Variants in PPARGC1B observed in about 807,000 individuals in gnomAD.
PPARGC1B encodes peroxisome proliferator-activated receptor gamma coactivator 1-beta.
A neutral mutation model predicts 101.6 loss-of-function variants in PPARGC1B; 34 were observed. The observed-to-expected ratio is 0.33, with a 90% CI of 0.25 to 0.45. The LOEUF (loss-of-function observed/expected upper bound fraction) is 0.45. Among genes scored for constraint, PPARGC1B ranks in the 20% least tolerant of loss-of-function variants. The pLI is 1.00. For missense variants in PPARGC1B, 1,234 were observed against 1,317.6 expected, an observed-to-expected ratio of 0.94 and a Z score of 0.98; for synonymous variants, 548 against 539.3, an observed-to-expected ratio of 1.02 and a Z score of -0.22.
At chr5:149,856,384 T>C (rs75952369), downstream of PPARGC1B, among the ~76,000 whole-genome samples, 282 of 152,300 alleles carry the variant, frequency 1.9e-3, 2 homozygotes, top group Admixed American at 0.012. Context: ...TGTGTGTGAT[T>C]GAGGGCTCAG....
intron 1 of PPARGC1B, among the ~76,000 whole-genome samples, chr5:149,799,463 C>T (rs995575024): frequency 1.3e-5 from 2 of 152,110 alleles, no homozygotes; most frequent in African/African-American, 4.8e-5. Flanking sequence ...CTCTCATGCC[C>T]TTCCCTGAGC....
intron 1 of PPARGC1B, among the ~76,000 whole-genome samples, chr5:149,789,486 A>G (rs1050424898): frequency 2.0e-5 from 3 of 152,232 alleles, no homozygotes; most frequent in Non-Finnish European, 2.9e-5. Context: ...GAAATAATAA[A>G]TGTGAAATCA....
intron 1 of PPARGC1B, among the ~76,000 whole-genome samples, chr5:149,787,037 G>T (rs1581053010): frequency 2.6e-5 from 4 of 152,150 alleles, no homozygotes; most frequent in Middle Eastern, 3.2e-3. Flanking sequence ...TTAGATCCAG[G>T]AGCTCCATCT....
At chr5:149,813,112 G>T (rs1387875327) in intron 1 of PPARGC1B, among the ~76,000 whole-genome samples, 1 of 152,150 alleles carries the variant, frequency 6.6e-6, no homozygotes, top group Non-Finnish European at 1.5e-5. Flanking sequence ...AGAAGGTTTG[G>T]GGCTTAGCAG....
At chr5:149,785,846 C>G (rs955312289) in intron 1 of PPARGC1B, among the ~76,000 whole-genome samples, 2 of 152,130 alleles carry the variant, frequency 1.3e-5, no homozygotes, top group Non-Finnish European at 2.9e-5. Flanking sequence ...AGGTAAGCTG[C>G]CCAAGGGTCC....
chr5:149,857,606 G>A (rs1360263642), downstream of PPARGC1B, among the ~76,000 whole-genome samples: 2 of 152,232 alleles, frequency 1.3e-5, no homozygotes, highest in Non-Finnish European at 2.9e-5. Context: ...AAAGATGCAA[G>A]TTCCAGACCC....
At chr5:149,752,186 A>G (rs1198944601) in intron 1 of PPARGC1B, among the ~76,000 whole-genome samples, 1 of 152,228 alleles carries the variant, frequency 6.6e-6, no homozygotes, top group Non-Finnish European at 1.5e-5. Context: ...TTTAGTCTAC[A>G]TACTATGTAC....
At chr5:149,791,183 G>A (rs1484549006) in intron 1 of PPARGC1B, among the ~76,000 whole-genome samples, 1 of 123,530 alleles carries the variant, frequency 8.1e-6, no homozygotes, top group East Asian at 2.9e-4. Flanking sequence ...TCAGGAGGCT[G>A]AGACACGAGA....
At chr5:149,835,198 C>T (rs1473221160) in intron 6 of PPARGC1B, 103 bp from the exon 7 acceptor site, 5 of 1,028,442 alleles carry the variant, frequency 4.9e-6, no homozygotes, top group Admixed American at 1.8e-5. Context: ...GGCAGTGGAA[C>T]CAGGGCCTGT....
chr5:149,794,843 G>A (rs1180089990), intron 1 of PPARGC1B, among the ~76,000 whole-genome samples: 1 of 152,234 alleles, frequency 6.6e-6, no homozygotes. Context: ...CCTTCCTCCT[G>A]TAACCAGATT....
intron 1 of PPARGC1B, among the ~76,000 whole-genome samples, chr5:149,779,037 CA>C (rs1317167356): frequency 2.0e-5 from 3 of 152,104 alleles, no homozygotes; most frequent in Non-Finnish European, 4.4e-5. Context: ...TTGAATGTCA[CA>C]AAAACTAGAC....
intron 2 of PPARGC1B, among the ~76,000 whole-genome samples, chr5:149,824,692 G>A (rs1220871391): frequency 5.3e-5 from 8 of 152,130 alleles, no homozygotes; most frequent in Non-Finnish European, 2.9e-5. Flanking sequence ...TTGGGAGTCT[G>A]GCCTGAGGGT....
chr5:149,769,996 A>G (rs899175), intron 1 of PPARGC1B, among the ~76,000 whole-genome samples: 123,449 of 152,006 alleles, frequency 0.81, 50,351 homozygotes, highest in African/African-American at 0.89. Context: ...CAGGTTTGGG[A>G]GATCAGGACG....
At chr5:149,733,625 G>A (rs1378941567) in intron 1 of PPARGC1B, among the ~76,000 whole-genome samples, 3 of 152,204 alleles carry the variant, frequency 2.0e-5, no homozygotes, top group African/African-American at 7.2e-5. Context: ...ATGGATTACA[G>A]ACAGGGGTGC....
chr5:149,838,184 T>C (rs1759186688), intron 8 of PPARGC1B, among the ~76,000 whole-genome samples: 1 of 152,192 alleles, frequency 6.6e-6, no homozygotes, highest in Non-Finnish European at 1.5e-5. Flanking sequence ...CTACAACAAG[T>C]GTTCTTAACT....
intron 1 of PPARGC1B, among the ~76,000 whole-genome samples, chr5:149,745,862 G>A (rs1007557777): frequency 6.6e-6 from 1 of 152,182 alleles, no homozygotes; most frequent in African/African-American, 2.4e-5. Context: ...TCAGCTCATA[G>A]GAGGTGGGGG....
intron 1 of PPARGC1B, among the ~76,000 whole-genome samples, chr5:149,794,524 G>GCGCACACACA (rs1491358678): frequency 7.0e-6 from 1 of 143,560 alleles, no homozygotes; most frequent in Admixed American, 7.0e-5. Flanking sequence ...ATGTGAGCGT[G>GCGCACACACA]CACACACACA....
intron 1 of PPARGC1B, among the ~76,000 whole-genome samples, chr5:149,817,362 C>G (rs1758097171): frequency 6.6e-6 from 1 of 152,140 alleles, no homozygotes; most frequent in African/African-American, 2.4e-5. Context: ...CACCTGTACT[C>G]TCAGCTACTT....
intron 1 of PPARGC1B, among the ~76,000 whole-genome samples, chr5:149,755,783 A>G (rs186568303): frequency 6.6e-6 from 1 of 152,016 alleles, no homozygotes; most frequent in East Asian, 1.9e-4. Flanking sequence ...AGCTGGGATT[A>G]TAGGTGTCCG....
Sources: gnomAD v4.1 joint callset for allele counts (sites outside exome capture counted in the v4.1 genomes callset) on GRCh38, gnomAD v4.1.1 for gene constraint, MANE v1.5 for transcripts, NCBI Gene and HGNC (gene_info 2026-07-23, HGNC 2026-07-21) for gene names.